DNAJA4: variants seen among roughly 807,000 people sequenced by gnomAD.
DNAJA4 encodes the protein dnaJ homolog subfamily A member 4.
A neutral mutation model predicts 39.7 loss-of-function variants in DNAJA4; 32 were observed. That is an observed-to-expected ratio of 0.81 (90% CI 0.61 to 1.08). The LOEUF (loss-of-function observed/expected upper bound fraction) is 1.08. Among genes scored for constraint, DNAJA4 ranks in the 50% least tolerant of loss-of-function variants. The pLI is 0.00. For missense variants in DNAJA4, 439 were observed against 505.1 expected (o/e 0.87, Z 1.25); for synonymous variants, 184 against 182.4 (o/e 1.01, Z -0.07).
chr15:78,274,376 G>A lies in DNAJA4; in HGVS notation c.598G>A (p.Ala200Thr), dbSNP rs553434947. 1.2e-6 allele frequency: 2 copies of A among 1,614,218 alleles called. No individual in the cohort carries two copies. The highest frequency in any genetic ancestry group is 1.7e-6 in the Non-Finnish European group (2 of 1,180,048). Residue 200 changes from alanine (A) to threonine (T), a missense_variant, in exon 4 of 7, where the codon GCC (alanine) becomes ACC (threonine). Coordinates refer to ENST00000394852, the MANE Select transcript of DNAJA4 (RefSeq NM_001130182.2). ...GGACCGCTGCGAGAGCTGCAGCGGGGCCAAGGTGATCCGTGAGAAGAAGAT... is the reference window on the plus strand; with the variant it reads ...GGACCGCTGCGAGAGCTGCAGCGGGACCAAGGTGATCCGTGAGAAGAAGAT... ...PKDRCESCSG[A>T]KVIREKKIIE... is the part of the protein sequence containing the mutation.
intron 1 of DNAJA4, among the ~76,000 whole-genome samples, chr15:78,266,652 A>G (rs1398456322): frequency 6.6e-6 from 1 of 152,254 alleles, no homozygotes; most frequent in Non-Finnish European, 1.5e-5. Context: ...CCTCTGCCTC[A>G]TAGACTGAAC....
At chr15:78,264,355 A>C, upstream of DNAJA4, 1 of 1,449,544 alleles carries the variant, frequency 6.9e-7, no homozygotes, top group East Asian at 3.0e-5. Flanking sequence ...CCGGGGAATC[A>C]GACGGGCAGC....
upstream of DNAJA4, chr15:78,264,293 C>T: frequency 7.3e-7 from 1 of 1,373,842 alleles, no homozygotes; most frequent in Non-Finnish European, 9.4e-7. Flanking sequence ...CAGGCCCAAG[C>T]CGCCTTCTCC....
At chr15:78,265,765 C>T in intron 1 of DNAJA4, 1 of 669,718 alleles carries the variant, frequency 1.5e-6, no homozygotes. Context: ...TCTTACAAAA[C>T]TTTGGTTGTT....
chr15:78,274,319 T>C lies in DNAJA4; in HGVS notation c.541T>C (p.Cys181Arg). 1 of 1,614,022 alleles carries C rather than the reference T, an allele frequency of 6.2e-7. No homozygotes were observed. Among genetic ancestry groups the C allele is most frequent in the Non-Finnish European group, 8.5e-7 (1 of 1,179,996 alleles). ...GCAGATCCAGACCGTGTGCATCGAG[T>C]GCAAGGGCCAGGGTGAGCGCATCAA... is the stretch of plus-strand genomic sequence containing the variant. The part of the protein sequence containing the change: ...VQQIQTVCIE[C>R]KGQGERINPK... The change falls in exon 4 of 7, where the codon TGC becomes CGC. Residue 181 changes from cysteine to arginine, a missense_variant. Coordinates refer to ENST00000394852, the MANE Select transcript of DNAJA4 (RefSeq NM_001130182.2).
chr15:78,267,173 AGTGTGTGAGTGTGTGT>A (rs2049155805), intron 1 of DNAJA4, among the ~76,000 whole-genome samples: 2 of 92,332 alleles, frequency 2.2e-5, no homozygotes, highest in South Asian at 3.5e-4. Context: ...TGAGTGTGTG[AGTGTGTGAGTGTGTGT>A]GTGAGTGTGT....
rs536756767 is a variant in DNAJA4 at position 78,264,625 on chromosome 15, A to AGCGGCGGCG, written c.-129_-121dup. 7.0e-5 allele frequency: 69 copies of AGCGGCGGCG among 991,492 alleles called. No individual in the cohort carries two copies. Among genetic ancestry groups the AGCGGCGGCG allele is most frequent in the Non-Finnish European group, 7.1e-5 (59 of 826,206 alleles). 61.4% of individuals were successfully genotyped at this position (991,492 alleles called of 1,614,324 possible). On this transcript the variant is annotated 5_prime_UTR_variant, in exon 1 of 7. Transcript: ENST00000394852. The stretch of plus-strand genomic sequence containing the variant: ...GGGCGGGGGGCGGGCGGGAGCTACA[A>AGCGGCGGCG]GCGGCGGCGGCGGCGGCGACCGTGA...
intron 3 of DNAJA4, 106 bp from the exon 4 acceptor site, chr15:78,274,091 C>T (rs2049376830): frequency 1.1e-6 from 1 of 899,608 alleles, no homozygotes; most frequent in East Asian, 2.7e-5. Flanking sequence ...GAATTCTAAG[C>T]CCATTGTCCA....
chr15:78,275,542 C>T lies in DNAJA4; in HGVS notation c.691C>T (p.Gln231Ter), dbSNP rs550894511. Residue 231 changes from glutamine (Q) to a stop codon, truncating the protein, a stop_gained, in exon 5 of 7, where the codon CAG becomes TAG. Transcript: ENST00000394852. LOFTEE classifies it high-confidence loss of function. Reference sequence around the variant, plus strand: ...GATACTATTTCATGGAGAAGGAGATCAGGAGCCTGAGCTGGAGCCTGGTGA... The same window carrying T: ...GATACTATTTCATGGAGAAGGAGATTAGGAGCCTGAGCTGGAGCCTGGTGA... ...QKILFHGEGD[Q>*]EPELEPGDVI... 14 of 1,614,046 alleles carry T rather than the reference C, an allele frequency of 8.7e-6. No individual in the cohort carries two copies. The East Asian group carries it at 3.1e-4, about 36-fold the overall frequency.
intron 5 of DNAJA4, chr15:78,277,976 CTCT>C (rs2049520499): frequency 8.9e-6 from 4 of 450,802 alleles, no homozygotes; most frequent in South Asian, 6.3e-5. Context: ...TTCTTCACCC[CTCT>C]TTTGTGTTGG....
At chr15:78,267,497 AT>A (rs750465744) in intron 1 of DNAJA4, among the ~76,000 whole-genome samples, 23 of 150,558 alleles carry the variant, frequency 1.5e-4, no homozygotes, top group Non-Finnish European at 2.5e-4. Flanking sequence ...TTTTTGCAAG[AT>A]GCATGGGTGG....
intron 2 of DNAJA4, among the ~76,000 whole-genome samples, chr15:78,272,187 C>T (rs2049318201): frequency 6.6e-6 from 1 of 151,898 alleles, no homozygotes; most frequent in Non-Finnish European, 1.5e-5. Flanking sequence ...AATACAAAAA[C>T]TTAGGTGGGC....
chr15:78,264,189 G>T, upstream of DNAJA4: 2 of 630,994 alleles, frequency 3.2e-6, no homozygotes, highest in Non-Finnish European at 4.8e-6. Flanking sequence ...CAGCCCTCCA[G>T]GCCGCCTACT....
At chr15:78,268,400 T>C (rs3813575) in intron 1 of DNAJA4, among the ~76,000 whole-genome samples, 47,387 of 152,096 alleles carry the variant, frequency 0.31, 7,603 homozygotes, top group East Asian at 0.45. Context: ...GCCTTATATA[T>C]GATGCTGATG....
At position 78,271,658 on chromosome 15, in the gene DNAJA4, G is replaced by A. The variant is rs74655496; in HGVS notation, c.313+981G>A. Among the ~76,000 whole-genome samples the A allele has an allele frequency of 2.6e-4, 39 of 152,262 alleles. No homozygotes were observed. In the East Asian group the frequency reaches 7.1e-3, roughly 28 times the overall value. Reference sequence around the variant, plus strand: ...CCCAGGCCACTGTTTTGACTTTCTCGGGATTTGTTCTTCCTAATTTTTCTG... The same window carrying A: ...CCCAGGCCACTGTTTTGACTTTCTCAGGATTTGTTCTTCCTAATTTTTCTG... On this transcript the variant is annotated intron_variant, in intron 2 of 6. Transcript: ENST00000394852.
Position 78,279,998 on chromosome 15 carries a change from C to A in DNAJA4, c.878-47C>A. On this transcript the variant is annotated intron_variant, in intron 5 of 6. Transcript: ENST00000394852. The surrounding 1 kb of genome is among the most constrained non-coding windows in gnomAD (Gnocchi z 4.5). Reference sequence around the variant, plus strand: ...CTCCCATGAGGGAGAACGACCTCTGCAGGCCCCTCTGCCTTCCTCCTTCCT... The same window carrying A: ...CTCCCATGAGGGAGAACGACCTCTGAAGGCCCCTCTGCCTTCCTCCTTCCT... The A allele has an allele frequency of 6.3e-7, 1 of 1,582,868 alleles. No individual in the cohort carries two copies. Among genetic ancestry groups the A allele is most frequent in the Non-Finnish European group, 8.7e-7 (1 of 1,154,256 alleles).
chr15:78,280,139 G>A lies in DNAJA4; in HGVS notation c.972G>A (p.Gln324=), dbSNP rs1324766424. Reference sequence around the variant, plus strand: ...TGGAAAAAGGGATTCTGATCATACAGTTTTTAGTAAGTTCACTATGTTTCA... The same window carrying A: ...TGGAAAAAGGGATTCTGATCATACAATTTTTAGTAAGTTCACTATGTTTCA... The part of the protein sequence containing the change: ...APLEKGILII[Q]FLVIFPEKHW... Residue 324 remains glutamine (Q), a synonymous_variant, in exon 6 of 7, where the codon CAG becomes CAA. Coordinates refer to ENST00000394852, the MANE Select transcript of DNAJA4 (RefSeq NM_001130182.2). The A allele has an allele frequency of 6.2e-7, 1 of 1,614,164 alleles. No individual in the cohort carries two copies. Among genetic ancestry groups the A allele is most frequent in the Admixed American group, 1.7e-5 (1 of 60,020 alleles).
At chr15:78,269,476 A>G (rs2049234413) in intron 1 of DNAJA4, among the ~76,000 whole-genome samples, 1 of 151,492 alleles carries the variant, frequency 6.6e-6, no homozygotes, top group Non-Finnish European at 1.5e-5. Context: ...TACCAGTTAT[A>G]AATAAGTTGT....
rs867995619 is a variant in DNAJA4, at chr15:78,278,915, C to T, written c.878-1130C>T. 5.2e-4 allele frequency among the ~76,000 whole-genome samples: 78 copies of T among 150,512 alleles called. 1 individual carries two copies. The Middle Eastern group carries it at 0.024, about 46-fold the overall frequency. On this transcript the variant is annotated intron_variant, in intron 5 of 6. Transcript: ENST00000394852. ...CGAACTCCTGACCTCGTGATCCGCC[C>T]GCCTCGGCCTCCCAAAGTGCTGGGA...
Sources: gnomAD v4.1 joint callset for allele counts (sites outside exome capture counted in the v4.1 genomes callset) on GRCh38, gnomAD v4.1.1 for gene constraint, Gnocchi (gnomAD v3.1) non-coding constraint, MANE v1.5 for transcripts, NCBI Gene and HGNC (gene_info 2026-07-23, HGNC 2026-07-21) for gene names.